USP24: variants seen among roughly 807,000 people sequenced by gnomAD.
USP24 encodes the protein ubiquitin carboxyl-terminal hydrolase 24.
In USP24, 97 loss-of-function variants were observed where a neutral mutation model predicts 361.6. The ratio of observed to expected loss-of-function variants is 0.27; its 90% confidence interval spans 0.23 to 0.32. The LOEUF is 0.32. Ranked by LOEUF, USP24 falls within the 10% of genes least tolerant of loss-of-function variation. The pLI, the probability that USP24 is intolerant of heterozygous loss-of-function variation, is 1.00. For synonymous variants in USP24, 1,098 were observed against 1,124.6 expected (o/e 0.98, Z 0.47); for missense variants, 2,353 against 3,165.6 (o/e 0.74, Z 6.16).
In USP24 at chr1:55,154,789, A is replaced by T; in HGVS notation, c.1447-11T>A. 6.3e-7 allele frequency: 1 copy of T among 1,599,752 alleles called. No individual in the cohort carries two copies. Among genetic ancestry groups the T allele is most frequent in the Admixed American group, 1.7e-5 (1 of 57,970 alleles). ...AGATGATTGTCCTGACTGGAAAAGG[A>T]AACATTGGAAAAAAATTAAGTCTTG... On this transcript the variant is annotated splice_polypyrimidine_tract_variant and intron_variant, in intron 12 of 67. Transcript: ENST00000294383.
intron 38 of USP24, among the ~76,000 whole-genome samples, chr1:55,116,126 C>T (rs940800976): frequency 6.6e-6 from 1 of 151,978 alleles, no homozygotes; most frequent in African/African-American, 2.4e-5. Context: ...ATGTAACAAA[C>T]CTGCACGTTC....
At chr1:55,152,595 CA>C (rs1488609708) in intron 16 of USP24, among the ~76,000 whole-genome samples, 1 of 152,122 alleles carries the variant, frequency 6.6e-6, no homozygotes, top group Admixed American at 6.5e-5. Flanking sequence ...GAATTTTAAT[CA>C]TAAGGAGAGG....
intron 38 of USP24, among the ~76,000 whole-genome samples, chr1:55,118,602 C>T (rs1334110705): frequency 6.6e-6 from 1 of 152,142 alleles, no homozygotes; most frequent in African/African-American, 2.4e-5. Flanking sequence ...AATACATACA[C>T]AGGACACCAT....
At chr1:55,098,302 T>C (rs1284170460) in intron 46 of USP24, among the ~76,000 whole-genome samples, 174 bp downstream of exon 46, 1 of 152,218 alleles carries the variant, frequency 6.6e-6, no homozygotes, top group African/African-American at 2.4e-5. Context: ...CACAAAGAAA[T>C]TTTTTCTCCT....
chr1:55,212,364 G>A (rs1295593137), intron 1 of USP24, among the ~76,000 whole-genome samples: 1 of 152,164 alleles, frequency 6.6e-6, no homozygotes, highest in Non-Finnish European at 1.5e-5. Flanking sequence ...GAGTTGAGCA[G>A]AGTGAAAAGC....
intron 1 of USP24, among the ~76,000 whole-genome samples, chr1:55,203,599 T>C (rs550458787): frequency 2.0e-5 from 3 of 152,370 alleles, no homozygotes; most frequent in East Asian, 1.9e-4. Flanking sequence ...TCGTCTCCCA[T>C]ATTACAATCA....
Position 55,076,620 on chromosome 1 carries a change from T to C in USP24, c.7380+615A>G, listed in dbSNP as rs184830606. 8.5e-5 allele frequency among the ~76,000 whole-genome samples: 13 copies of C among 152,290 alleles called. No individual in the cohort carries two copies. In the East Asian group the frequency reaches 2.5e-3, roughly 29 times the overall value. On this transcript the variant is annotated intron_variant, in intron 62 of 67. Transcript: ENST00000294383. ...CTGTCCCTTGCCCCACCACAGGCCT[T>C]ATTATTTCACACTCAGAATATTCCC... is the stretch of plus-strand genomic sequence containing the variant.
In USP24 at chr1:55,092,808, G is replaced by T; in HGVS notation, c.6450+13C>A. ...ACCCTTTCTTATTTCTAACAATCCA[G>T]TTAGTTACTTACAGCATTCAATGAA... On this transcript the variant is annotated intron_variant, in intron 53 of 67. Transcript: ENST00000294383. 1 of 1,522,786 alleles carries T rather than the reference G, an allele frequency of 6.6e-7. No individual in the cohort carries two copies. The highest frequency in any genetic ancestry group is 9.0e-7 in the Non-Finnish European group (1 of 1,114,972). 94.3% of individuals were successfully genotyped at this position (1,522,786 alleles called of 1,614,324 possible).
Position 55,178,132 on chromosome 1 carries a change from T to C in USP24, c.325A>G (p.Lys109Glu). The C allele has an allele frequency of 2.6e-6, 4 of 1,546,204 alleles. No individual in the cohort carries two copies. The highest frequency in any genetic ancestry group is 1.7e-4 in the Middle Eastern group (1 of 5,982). ...GAGCAGTTTCCATTCTCATCATTCT[T>C]CTGACGAAAAGGGATTAAGATAAAA... is the stretch of plus-strand genomic sequence containing the variant. ...PAYHEVVDAE[K>E]NDENGNCSGE... is the part of the protein sequence containing the mutation. Residue 109 changes from lysine to glutamate, a missense_variant and splice_region_variant, in exon 2 of 68, where the codon AAG becomes GAG. By Grantham distance (56) the Lys-to-Glu change is moderately conservative (BLOSUM62 1). Transcript: ENST00000294383.
chr1:55,195,161 T>G (rs908022462), intron 1 of USP24, among the ~76,000 whole-genome samples: 1 of 152,220 alleles, frequency 6.6e-6, no homozygotes, highest in African/African-American at 2.4e-5. Flanking sequence ...CTTCTTGCAT[T>G]GGCAGGCAAG....
intron 1 of USP24, among the ~76,000 whole-genome samples, chr1:55,189,480 C>T (rs909365581): frequency 1.3e-5 from 2 of 152,070 alleles, no homozygotes; most frequent in African/African-American, 2.4e-5. Context: ...CATAAAAGGC[C>T]GCATATTGTA....
chr1:55,068,737 G>A lies in USP24; in HGVS notation c.*308C>T, dbSNP rs1644862011. The A allele has an allele frequency of 2.7e-6, 1 of 364,748 alleles. No homozygotes were observed. The highest frequency in any genetic ancestry group is 6.6e-5 in the South Asian group (1 of 15,126). The allele number at this position is 364,748 out of a possible 1,614,324, so 22.6% of individuals were successfully genotyped here. On this transcript the variant is annotated 3_prime_UTR_variant, in exon 68 of 68. Transcript: ENST00000294383. ...AACAGCTTTATGCTCACTCTTGTAT[G>A]TTCGTGTAACAAAAAAGTCTGCCAC...
intron 5 of USP24, among the ~76,000 whole-genome samples, 191 bp from the exon 6 acceptor site, chr1:55,166,794 A>G (rs1184847945): frequency 6.6e-6 from 1 of 152,168 alleles, no homozygotes; most frequent in Non-Finnish European, 1.5e-5. Context: ...GGAGTCTGTA[A>G]GTCTGTATTT....
At chr1:55,096,910 G>C in intron 49 of USP24, 42 bp downstream of exon 49, 2 of 1,586,574 alleles carry the variant, frequency 1.3e-6, no homozygotes, top group Non-Finnish European at 1.7e-6. Context: ...GAGAGCAGGG[G>C]AGGGCAGAAA....
At chr1:55,120,853 A>C in intron 37 of USP24, 97 bp from the exon 38 acceptor site, 2 of 1,384,322 alleles carry the variant, frequency 1.4e-6, no homozygotes, top group Non-Finnish European at 1.9e-6. Context: ...CTATTTAGTC[A>C]ATCAAGTTAT....
At chr1:55,198,626 C>T (rs1041297202) in intron 1 of USP24, among the ~76,000 whole-genome samples, 7 of 152,174 alleles carry the variant, frequency 4.6e-5, no homozygotes, top group African/African-American at 9.7e-5. Flanking sequence ...TGTGTAATGC[C>T]TCCGGGGTGG....
At chr1:55,118,903 A>G (rs1248236556) in intron 38 of USP24, among the ~76,000 whole-genome samples, 1 of 152,232 alleles carries the variant, frequency 6.6e-6, no homozygotes, top group Non-Finnish European at 1.5e-5. Context: ...AACAAAAACA[A>G]AAATCCTAGA....
intron 24 of USP24, among the ~76,000 whole-genome samples, chr1:55,139,821 A>G (rs1364734604): frequency 6.6e-6 from 1 of 152,226 alleles, no homozygotes. Flanking sequence ...TCTATTAAAT[A>G]TACTTAACAG....
chr1:55,068,083 A>G lies in USP24; in HGVS notation c.*962T>C, dbSNP rs1644852943. 2 of 152,214 alleles carry G rather than the reference A, an allele frequency of 1.3e-5. No individual in the cohort carries two copies. The highest frequency in any genetic ancestry group is 4.8e-5 in the African/African-American group (2 of 41,442). 9.4% of individuals were successfully genotyped at this position (152,214 alleles called of 1,614,324 possible). The stretch of plus-strand genomic sequence containing the variant: ...ACTCAAATAGTTAACTTCATATACA[A>G]CCAATACCAAGGGTTTCAGTAATTA... On this transcript the variant is annotated 3_prime_UTR_variant, in exon 68 of 68. Transcript: ENST00000294383.
Sources: allele counts gnomAD v4.1 joint callset (sites outside exome capture counted in the v4.1 genomes callset), GRCh38; gene constraint gnomAD v4.1.1; transcripts MANE v1.5; gene names NCBI Gene and HGNC (gene_info 2026-07-23, HGNC 2026-07-21).